Variants in CDC42BPA observed in about 807,000 individuals in gnomAD.
CDC42BPA encodes the protein CDC42 binding protein kinase alpha, also known as serine/threonine-protein kinase MRCK alpha.
A neutral mutation model predicts 223.5 loss-of-function variants in CDC42BPA; 80 were observed. The observed-to-expected ratio is 0.36, with a 90% CI of 0.30 to 0.43. CDC42BPA has a LOEUF of 0.43. CDC42BPA is among the 20% of genes least tolerant of loss of function. The probability of loss-of-function intolerance (pLI) is 1.00; values close to 1 mark genes in which losing one functional copy is unlikely to be tolerated. For missense variants in CDC42BPA, 1,743 were observed against 2,099.9 expected (o/e 0.83, Z 3.32); for synonymous variants, 694 against 718.6 (o/e 0.97, Z 0.55).
chr1:227,044,566 T>C (rs1390885864), intron 23 of CDC42BPA, among the ~76,000 whole-genome samples: 1 of 152,202 alleles, frequency 6.6e-6, no homozygotes, highest in Non-Finnish European at 1.5e-5. Context: ...TTAAAAGCTA[T>C]TTCCCTCCTT....
chr1:227,199,528 G>A, intron 4 of CDC42BPA, 29 bp downstream of exon 4: 4 of 1,188,130 alleles, frequency 3.4e-6, no homozygotes, highest in Non-Finnish European at 5.0e-6. Flanking sequence ...CAAAAAAACA[G>A]TATATAGAAA....
chr1:227,290,198 G>A (rs1046523088), intron 1 of CDC42BPA, among the ~76,000 whole-genome samples: 2 of 152,060 alleles, frequency 1.3e-5, no homozygotes, highest in African/African-American at 2.4e-5. Context: ...CCAAGCACAT[G>A]CCTTTGAGCT....
rs116307847 is a variant in CDC42BPA, at chr1:227,236,092, C to T, written c.270+17972G>A. On this transcript the variant is annotated intron_variant, in intron 2 of 36. Transcript: ENST00000366766. ...TAATAGAAGCTTTATTTTCTATGTA[C>T]CTCAGGTGATTCTGTGAATGAACAT... 5.8e-3 allele frequency among the ~76,000 whole-genome samples: 884 copies of T among 152,182 alleles called. 13 individuals are homozygous for T. The highest frequency in any genetic ancestry group is 0.019 in the African/African-American group (808 of 41,508).
chr1:227,305,178 G>GTTT (rs1692327768), intron 1 of CDC42BPA, among the ~76,000 whole-genome samples: 1 of 152,076 alleles, frequency 6.6e-6, no homozygotes, highest in African/African-American at 2.4e-5. Flanking sequence ...CTCTCAAATG[G>GTTT]TTCCAGAGGA....
At chr1:227,221,639 A>G (rs984950712) in intron 2 of CDC42BPA, among the ~76,000 whole-genome samples, 1 of 149,498 alleles carries the variant, frequency 6.7e-6, no homozygotes, top group African/African-American at 2.5e-5. Flanking sequence ...TATGCTATAC[A>G]TTATGCTAAC....
At chr1:227,191,542 C>A (rs79945553) in intron 5 of CDC42BPA, among the ~76,000 whole-genome samples, 115 of 152,188 alleles carry the variant, frequency 7.6e-4, no homozygotes, top group Non-Finnish European at 1.2e-3. Flanking sequence ...ATGAAAGATA[C>A]TACAAATACC....
At chr1:227,316,223 G>A (rs1694364944) in intron 1 of CDC42BPA, among the ~76,000 whole-genome samples, 1 of 152,180 alleles carries the variant, frequency 6.6e-6, no homozygotes, top group African/African-American at 2.4e-5. Flanking sequence ...AACAGCAGAC[G>A]CTGAAGAACT....
intron 14 of CDC42BPA, among the ~76,000 whole-genome samples, chr1:227,107,447 G>T (rs1164411943): frequency 6.6e-6 from 1 of 152,044 alleles, no homozygotes; most frequent in Non-Finnish European, 1.5e-5. Context: ...TTGAGACAGG[G>T]TCTCACTCTG....
At chr1:227,095,598 T>G (rs1460318674) in intron 15 of CDC42BPA, among the ~76,000 whole-genome samples, 2 of 150,744 alleles carry the variant, frequency 1.3e-5, no homozygotes, top group African/African-American at 4.9e-5. Flanking sequence ...GGTTTTTTTT[T>G]TTTTTTTTTT....
intron 32 of CDC42BPA, 65 bp downstream of exon 32, chr1:227,023,198 G>T: frequency 1.3e-6 from 1 of 768,514 alleles, no homozygotes; most frequent in Non-Finnish European, 2.2e-6. Context: ...ATGTGACCTT[G>T]GGCAGTTAGC....
chr1:227,213,100 A>C, intron 3 of CDC42BPA, 36 bp downstream of exon 3: 1 of 999,556 alleles, frequency 1.0e-6, no homozygotes, highest in South Asian at 1.6e-5. Flanking sequence ...AAATATTTCT[A>C]AAATATTTAT....
At chr1:227,137,044 G>A (rs1447166786) in intron 10 of CDC42BPA, among the ~76,000 whole-genome samples, 7 of 151,992 alleles carry the variant, frequency 4.6e-5, no homozygotes, top group Admixed American at 2.6e-4. Context: ...CAACAATGGA[G>A]TAAAAGTGTA....
chr1:227,177,084 A>C (rs113312530), intron 5 of CDC42BPA, among the ~76,000 whole-genome samples: 3 of 4,414 alleles, frequency 6.8e-4, no homozygotes, highest in African/African-American at 4.5e-3. Context: ...CAATATCCCA[A>C]AAAACAACTT....
chr1:227,159,027 T>C (rs963024803), intron 6 of CDC42BPA, among the ~76,000 whole-genome samples: 1 of 152,224 alleles, frequency 6.6e-6, no homozygotes, highest in Non-Finnish European at 1.5e-5. Context: ...AATAGTATTA[T>C]GCTGCCTGTT....
intron 3 of CDC42BPA, among the ~76,000 whole-genome samples, chr1:227,209,259 G>A (rs1490511197): frequency 1.3e-5 from 2 of 150,162 alleles, no homozygotes; most frequent in Non-Finnish European, 3.0e-5. Flanking sequence ...ATTTTGAGCT[G>A]AGACAATGGG....
Position 227,037,079 on chromosome 1 carries a change from G to A in CDC42BPA, c.3200-1472C>T, listed in dbSNP as rs932105771. ...CCTACTATGAATTGCAAGTAATTGT[G>A]GTGCATAAAAAATGACATGGGACTT... On this transcript the variant is annotated intron_variant, in intron 24 of 36. Transcript: ENST00000366766. 4.6e-5 allele frequency among the ~76,000 whole-genome samples: 7 copies of A among 152,168 alleles called. No homozygotes were observed. In the South Asian group the frequency reaches 1.5e-3, roughly 32 times the overall value.
intron 16 of CDC42BPA, among the ~76,000 whole-genome samples, chr1:227,089,638 T>G (rs1031528413): frequency 1.1e-3 from 150 of 133,800 alleles, no homozygotes; most frequent in African/African-American, 3.5e-3. Flanking sequence ...TTTTTTTTTT[T>G]TTTTTTTTTT....
chr1:227,199,185 A>G (rs1211827386), intron 4 of CDC42BPA, among the ~76,000 whole-genome samples: 2 of 152,234 alleles, frequency 1.3e-5, no homozygotes, highest in African/African-American at 4.8e-5. Context: ...GGAAATGATT[A>G]TTTTAAGATG....
rs769733982 is a variant in CDC42BPA at position 227,112,354 on chromosome 1, C to T, written c.1959G>A (p.Glu653=). The stretch of plus-strand genomic sequence containing the variant: ...CATTTTCCAGTTGCTTAGAATAGTG[C>T]TCACTCTGTTCACGTAGCTTCCTGT... ...SKDRKLREQS[E]HYSKQLENEL... is the part of the protein sequence containing the mutation. The change falls in exon 14 of 37, where the codon GAG becomes GAA. Residue 653 remains glutamate (E), a synonymous_variant. Coordinates refer to ENST00000366766, the MANE Select transcript of CDC42BPA (RefSeq NM_001394014.1). The T allele has an allele frequency of 2.8e-5, 45 of 1,607,900 alleles. No individual in the cohort carries two copies. Among genetic ancestry groups the T allele is most frequent in the Non-Finnish European group, 3.7e-5 (44 of 1,177,232 alleles).
Sources: gnomAD v4.1 joint callset for allele counts (sites outside exome capture counted in the v4.1 genomes callset) on GRCh38, gnomAD v4.1.1 for gene constraint, MANE v1.5 for transcripts, NCBI Gene and HGNC (gene_info 2026-07-23, HGNC 2026-07-21) for gene names.